Variants in ABCD3 observed in about 807,000 individuals in gnomAD.
The protein encoded by ABCD3 is ATP-binding cassette sub-family D member 3.
ABCD3 carries 41 observed loss-of-function variants against 105.5 expected under a neutral mutation model. That is an observed-to-expected ratio of 0.39 (90% CI 0.30 to 0.50). ABCD3 has a LOEUF of 0.50. Among genes scored for constraint, ABCD3 ranks in the 20% least tolerant of loss-of-function variants. The pLI is 0.84. For missense variants in ABCD3, 622 were observed against 806.3 expected (o/e 0.77, Z 2.77); for synonymous variants, 258 against 269.0 (o/e 0.96, Z 0.40).
At chr1:94,441,972 T>G (rs564049850) in intron 1 of ABCD3, among the ~76,000 whole-genome samples, 1 of 152,184 alleles carries the variant, frequency 6.6e-6, no homozygotes, top group Non-Finnish European at 1.5e-5. Flanking sequence ...CCATGTTAAT[T>G]TCATGATTTT....
chr1:94,478,261 AT>A lies in ABCD3; in HGVS notation c.635del (p.Leu212Ter). ...GTATTCTAATATTTATTTTACAGCC[AT>A]TTTTAGACATAGTTTTGTATATCTT... ...VDLYSNLSKP[F>X]LDIVLYIFKL... is the part of the protein sequence containing the mutation. On this transcript the variant is annotated frameshift_variant, in exon 8 of 23. Transcript: ENST00000370214. LOFTEE classifies it high-confidence loss of function. 1 of 1,584,546 alleles carries A rather than the reference AT, an allele frequency of 6.3e-7. No homozygotes were observed. The highest frequency in any genetic ancestry group is 8.7e-7 in the Non-Finnish European group (1 of 1,155,450).
chr1:94,491,581 T>C (rs1649538622), intron 16 of ABCD3, among the ~76,000 whole-genome samples: 1 of 152,098 alleles, frequency 6.6e-6, no homozygotes, highest in East Asian at 1.9e-4. Flanking sequence ...AAGAAACTTA[T>C]GGTGTGGCTG....
chr1:94,390,235 G>A, the ABCD3 span, among the ~76,000 whole-genome samples: 4 of 152,140 alleles, frequency 2.6e-5, no homozygotes, highest in African/African-American at 7.2e-5. Context: ...TAGGGGTCAC[G>A]TGGGTAATTA....
At chr1:94,496,636 C>G (rs1041330292) in intron 16 of ABCD3, among the ~76,000 whole-genome samples, 19 of 146,108 alleles carry the variant, frequency 1.3e-4, no homozygotes, top group African/African-American at 4.6e-4. Flanking sequence ...CATCTCTGAT[C>G]TCATTTCCTA....
At chr1:94,468,074 C>A in intron 4 of ABCD3, 67 bp downstream of exon 4, 1 of 1,111,982 alleles carries the variant, frequency 9.0e-7, no homozygotes, top group Non-Finnish European at 1.4e-6. Context: ...TATGCATTAT[C>A]TTTATAAGCA....
intron 1 of ABCD3, chr1:94,455,764 G>A: frequency 9.2e-7 from 1 of 1,084,698 alleles, no homozygotes; most frequent in Middle Eastern, 2.3e-4. Flanking sequence ...AGAGAAAAGT[G>A]ATGAAGTGAT....
At chr1:94,479,432 C>CT (rs4148068) in intron 8 of ABCD3, among the ~76,000 whole-genome samples, 115 of 144,202 alleles carry the variant, frequency 8.0e-4, no homozygotes, top group East Asian at 2.4e-3. Context: ...ATCAGATTTA[C>CT]TTTTTTTTTT....
chr1:94,400,299 G>T, the ABCD3 span, among the ~76,000 whole-genome samples: 1 of 151,882 alleles, frequency 6.6e-6, no homozygotes, highest in African/African-American at 2.4e-5. Context: ...CAGCTACTCA[G>T]GAGGTTGAGG....
intron 9 of ABCD3, chr1:94,482,516 G>A (rs932434587): frequency 1.3e-5 from 2 of 152,344 alleles, no homozygotes; most frequent in African/African-American, 4.8e-5. Flanking sequence ...TGACCTGCTG[G>A]CTCTGCAACC....
At chr1:94,408,112 T>G in the ABCD3 span, among the ~76,000 whole-genome samples, 1 of 152,180 alleles carries the variant, frequency 6.6e-6, no homozygotes, top group African/African-American at 2.4e-5. Context: ...GATGCAGAAG[T>G]TAAGTAAATA....
intron 20 of ABCD3, among the ~76,000 whole-genome samples, chr1:94,503,723 A>G (rs945103562): frequency 6.6e-6 from 1 of 151,854 alleles, no homozygotes; most frequent in Non-Finnish European, 1.5e-5. Flanking sequence ...TTAGTCATTC[A>G]TTTATTAGAT....
intron 1 of ABCD3, among the ~76,000 whole-genome samples, chr1:94,433,882 C>T (rs1659792965): frequency 6.6e-6 from 1 of 152,026 alleles, no homozygotes; most frequent in South Asian, 2.1e-4. Context: ...CTCCTGGCCT[C>T]AAGTGATCTG....
chr1:94,385,435 G>C, the ABCD3 span, among the ~76,000 whole-genome samples: 1 of 152,178 alleles, frequency 6.6e-6, no homozygotes, highest in South Asian at 2.1e-4. Context: ...AGTGTCAAGA[G>C]AACACACTTG....
chr1:94,511,992 C>T (rs970296654), intron 21 of ABCD3, among the ~76,000 whole-genome samples: 1 of 152,134 alleles, frequency 6.6e-6, no homozygotes, highest in Non-Finnish European at 1.5e-5. Flanking sequence ...TCTCTCAGCT[C>T]GTCAAAGTCA....
chr1:94,456,881 T>C (rs185885750), intron 1 of ABCD3, among the ~76,000 whole-genome samples: 1 of 152,330 alleles, frequency 6.6e-6, no homozygotes, highest in African/African-American at 2.4e-5. Flanking sequence ...AATGTTCAAG[T>C]GTTCTCTTTT....
chr1:94,467,120 A>T (rs955749641), intron 3 of ABCD3, among the ~76,000 whole-genome samples: 1 of 152,002 alleles, frequency 6.6e-6, no homozygotes, highest in Admixed American at 6.6e-5. Context: ...TTTTAACATC[A>T]CTTTTTGTTC....
the ABCD3 span, among the ~76,000 whole-genome samples, chr1:94,395,055 T>C: frequency 6.6e-6 from 1 of 152,210 alleles, no homozygotes; most frequent in African/African-American, 2.4e-5. Context: ...TCCCAGGCCA[T>C]GCAATCTTTG....
chr1:94,497,902 C>G (rs1035446987), intron 16 of ABCD3, among the ~76,000 whole-genome samples: 1 of 152,088 alleles, frequency 6.6e-6, no homozygotes, highest in Admixed American at 6.6e-5. Flanking sequence ...GGAAGAATAT[C>G]TGTGATATAT....
chr1:94,436,894 C>T (rs963715333), intron 1 of ABCD3, among the ~76,000 whole-genome samples: 2 of 152,146 alleles, frequency 1.3e-5, no homozygotes, highest in African/African-American at 4.8e-5. Flanking sequence ...AAGAAACAGC[C>T]TTATTGCTGA....
Sources: allele counts gnomAD v4.1 joint callset (sites outside exome capture counted in the v4.1 genomes callset), GRCh38; gene constraint gnomAD v4.1.1; transcripts MANE v1.5; gene names NCBI Gene and HGNC (gene_info 2026-07-23, HGNC 2026-07-21).